The following FAM171A1 variants were observed in gnomAD, a reference collection of about 807,000 sequenced individuals.
The protein encoded by FAM171A1 is protein FAM171A1.
In FAM171A1, 23 loss-of-function variants were observed where a neutral mutation model predicts 74.9. The observed-to-expected ratio is 0.31, with a 90% CI of 0.22 to 0.44. The LOEUF (loss-of-function observed/expected upper bound fraction) is 0.44, where lower values mean the gene tolerates loss of function less well. Ranked by LOEUF, FAM171A1 falls within the 20% of genes least tolerant of loss-of-function variation. FAM171A1 has a pLI of 1.00. For missense variants in FAM171A1, 1,162 were observed against 1,159.2 expected, an observed-to-expected ratio of 1.00 and a Z score of -0.03; for synonymous variants, 527 against 505.7, an observed-to-expected ratio of 1.04 and a Z score of -0.57.
intron 3 of FAM171A1, among the ~76,000 whole-genome samples, chr10:15,261,073 T>G (rs1468885914): frequency 6.6e-6 from 1 of 152,258 alleles, no homozygotes; most frequent in African/African-American, 2.4e-5. Flanking sequence ...TTCTGTGTCT[T>G]CCGCTGTCTC....
chr10:15,303,459 T>C (rs1009257733), intron 1 of FAM171A1, among the ~76,000 whole-genome samples: 10 of 152,156 alleles, frequency 6.6e-5, no homozygotes, highest in African/African-American at 2.2e-4. Context: ...TTAGTTCGTG[T>C]CAAATGGAGG....
intron 2 of FAM171A1, among the ~76,000 whole-genome samples, chr10:15,283,440 A>G (rs1235971636): frequency 6.6e-6 from 1 of 152,154 alleles, no homozygotes; most frequent in Admixed American, 6.5e-5. Context: ...CTTTCCATAG[A>G]TCAAAAAGCA....
chr10:15,348,153 A>G (rs1835838391), intron 1 of FAM171A1, among the ~76,000 whole-genome samples: 1 of 151,026 alleles, frequency 6.6e-6, no homozygotes, highest in South Asian at 2.1e-4. Context: ...AATTTTTTGT[A>G]TTTTTAGTAG....
intron 1 of FAM171A1, among the ~76,000 whole-genome samples, chr10:15,355,093 G>C (rs1227779353): frequency 1.1e-4 from 17 of 152,188 alleles, no homozygotes. Flanking sequence ...TGCTAGTTTT[G>C]TTTGTTTGTT....
Position 15,364,793 on chromosome 10 carries a change from T to G in FAM171A1, c.97+6163A>C, listed in dbSNP as rs149806296. Among the ~76,000 whole-genome samples the G allele has an allele frequency of 3.1e-3, 468 of 152,230 alleles. 1 individual carries two copies. The highest frequency in any genetic ancestry group is 4.7e-3 in the Admixed American group (72 of 15,296). ...CATTCCTTGGCTCCTGGCCCCTTTC[T>G]CTATCTGCAAAGGTATCTGTGTAGC... On this transcript the variant is annotated intron_variant, in intron 1 of 7. Coordinates refer to ENST00000378116, the MANE Select transcript of FAM171A1 (RefSeq NM_001010924.2).
intron 3 of FAM171A1, among the ~76,000 whole-genome samples, chr10:15,266,139 TC>T (rs1364599693): frequency 1.3e-5 from 2 of 152,270 alleles, no homozygotes; most frequent in East Asian, 3.9e-4. Flanking sequence ...CTGCATCCTT[TC>T]TGTTCTTCTA....
chr10:15,251,882 A>G (rs531504003), intron 4 of FAM171A1, among the ~76,000 whole-genome samples: 1 of 152,334 alleles, frequency 6.6e-6, no homozygotes, highest in Admixed American at 6.5e-5. Context: ...AGCAGGTGTC[A>G]GGCAAATGCA....
At chr10:15,366,577 C>T (rs1292680302) in intron 1 of FAM171A1, among the ~76,000 whole-genome samples, 1 of 152,118 alleles carries the variant, frequency 6.6e-6, no homozygotes, top group Non-Finnish European at 1.5e-5. Context: ...ATAACTTGAT[C>T]AAACTATAAC....
intron 5 of FAM171A1, among the ~76,000 whole-genome samples, chr10:15,242,666 C>T (rs1564620660): frequency 6.6e-6 from 1 of 152,092 alleles, no homozygotes; most frequent in Non-Finnish European, 1.5e-5. Flanking sequence ...TGGTGTGTGC[C>T]TGTCGTCCCA....
chr10:15,220,650 T>C (rs1012208562), intron 6 of FAM171A1, among the ~76,000 whole-genome samples: 6 of 152,132 alleles, frequency 3.9e-5, no homozygotes, highest in South Asian at 2.1e-4. Context: ...GAGGAGGTCT[T>C]GCTGGTCTCT....
chr10:15,213,727 G>A lies in FAM171A1; in HGVS notation c.1861C>T (p.Pro621Ser). 1.2e-6 allele frequency: 2 copies of A among 1,613,272 alleles called. No homozygotes were observed. Among genetic ancestry groups the A allele is most frequent in the Non-Finnish European group, 1.7e-6 (2 of 1,179,424 alleles). Residue 621 changes from proline (P) to serine (S), a missense_variant, in exon 8 of 8, where the codon CCC becomes TCC. Pro to Ser is a moderately conservative substitution (Grantham distance 74). Coordinates refer to ENST00000378116, the MANE Select transcript of FAM171A1 (RefSeq NM_001010924.2). The surrounding 1 kb of genome is among the most constrained non-coding windows in gnomAD (Gnocchi z 6.8). ...GGGTGTGGGAAGATCCCGGCATGGGGATTGGACAGCTCAGCCTGTAGTCTT... is the reference window on the plus strand; with the variant it reads ...GGGTGTGGGAAGATCCCGGCATGGGAATTGGACAGCTCAGCCTGTAGTCTT... ...IERLQAELSN[P>S]HAGIFPHPSS...
chr10:15,213,944 G>A lies in FAM171A1; in HGVS notation c.1644C>T (p.Leu548=), dbSNP rs747891159. The A allele has an allele frequency of 5.6e-6, 9 of 1,614,040 alleles. No homozygotes were observed. Among genetic ancestry groups the A allele is most frequent in the South Asian group, 2.2e-5 (2 of 91,084 alleles). Residue 548 remains leucine, a synonymous_variant, in exon 8 of 8, where the codon CTC becomes CTT. Transcript: ENST00000378116. The surrounding 1 kb of genome is among the most constrained non-coding windows in gnomAD (Gnocchi z 6.8). ...ECMMSRSVDH[L]ERPTSFPRPG... ...GCCGTGGGAAGGACGTAGGTCTCTC[G>A]AGGTGATCTACTGATCGCGACATCA... is the stretch of plus-strand genomic sequence containing the variant.
intron 5 of FAM171A1, chr10:15,240,886 ATTT>A: frequency 4.6e-6 from 1 of 215,150 alleles, no homozygotes; most frequent in Non-Finnish European, 7.9e-6. Flanking sequence ...CAAAAAAAAA[ATTT>A]ACAAATTAGC....
At chr10:15,368,307 G>A (rs1836091327) in intron 1 of FAM171A1, among the ~76,000 whole-genome samples, 1 of 152,146 alleles carries the variant, frequency 6.6e-6, no homozygotes, top group Non-Finnish European at 1.5e-5. Flanking sequence ...AAGAAATTCT[G>A]CAGATGCTAG....
intron 1 of FAM171A1, among the ~76,000 whole-genome samples, chr10:15,325,283 C>T (rs1207161586): frequency 2.6e-5 from 4 of 152,116 alleles, no homozygotes; most frequent in African/African-American, 9.7e-5. Context: ...AACACTTGAG[C>T]CCAGGAGTTC....
intron 1 of FAM171A1, among the ~76,000 whole-genome samples, chr10:15,360,492 G>A (rs1347378349): frequency 2.6e-5 from 4 of 152,140 alleles, no homozygotes; most frequent in Admixed American, 2.6e-4. Flanking sequence ...AAGACTTTGA[G>A]GCTACCCCTT....
intron 1 of FAM171A1, among the ~76,000 whole-genome samples, chr10:15,343,765 C>G (rs1310066375): frequency 6.6e-6 from 1 of 152,102 alleles, no homozygotes; most frequent in Non-Finnish European, 1.5e-5. Flanking sequence ...GGGCTGGGAA[C>G]TGAACCTGGG....
At chr10:15,342,387 T>G (rs1835774542) in intron 1 of FAM171A1, among the ~76,000 whole-genome samples, 1 of 152,142 alleles carries the variant, frequency 6.6e-6, no homozygotes, top group Non-Finnish European at 1.5e-5. Flanking sequence ...CTGGCCAATA[T>G]GGCGAAACCC....
At chr10:15,302,860 C>G (rs1230106615) in intron 1 of FAM171A1, among the ~76,000 whole-genome samples, 1 of 152,226 alleles carries the variant, frequency 6.6e-6, no homozygotes, top group African/African-American at 2.4e-5. Flanking sequence ...GCATGGTAAA[C>G]TATGCTGACG....
Sources: allele counts gnomAD v4.1 joint callset (sites outside exome capture counted in the v4.1 genomes callset), GRCh38; gene constraint gnomAD v4.1.1; non-coding constraint Gnocchi (gnomAD v3.1); transcripts MANE v1.5; gene names NCBI Gene and HGNC (gene_info 2026-07-23, HGNC 2026-07-21).